Variants in SSH2 observed in about 807,000 individuals in gnomAD.
The protein encoded by SSH2 is protein phosphatase Slingshot homolog 2.
A neutral mutation model predicts 135.2 loss-of-function variants in SSH2; 37 were observed. That is an observed-to-expected ratio of 0.27 (90% CI 0.21 to 0.36). The LOEUF is 0.36. Among genes scored for constraint, SSH2 ranks in the 10% least tolerant of loss-of-function variants. The pLI is 1.00. For missense variants in SSH2, 1,408 were observed against 1,765.3 expected (o/e 0.80, Z 3.63); for synonymous variants, 628 against 646.2 (o/e 0.97, Z 0.43).
chr17:29,822,682 T>C (rs1258249791), intron 2 of SSH2, among the ~76,000 whole-genome samples: 1 of 152,114 alleles, frequency 6.6e-6, no homozygotes, highest in African/African-American at 2.4e-5. Context: ...CTCTTAAACT[T>C]TCCTTTCTTC....
intron 5 of SSH2, among the ~76,000 whole-genome samples, chr17:29,691,291 T>C: frequency 6.6e-6 from 1 of 152,182 alleles, no homozygotes; most frequent in East Asian, 1.9e-4. Context: ...TGAAATTACT[T>C]CAAATGTCCT....
rs1411503732 is a variant in SSH2, at chr17:29,629,325, T to C, written c.*1516A>G. 6.5e-6 allele frequency: 1 copy of C among 152,680 alleles called. No homozygotes were observed. The highest frequency in any genetic ancestry group is 1.9e-4 in the East Asian group (1 of 5,196). The allele number at this position is 152,680 out of a possible 1,614,324, so 9.5% of individuals were successfully genotyped here. ...CTCTGGGCAACTCACATATACTTCCTGGCTGTGGTTGAGATACTGGCAAAC... is the reference window on the plus strand; with the variant it reads ...CTCTGGGCAACTCACATATACTTCCCGGCTGTGGTTGAGATACTGGCAAAC... On this transcript the variant is annotated 3_prime_UTR_variant, in exon 16 of 16. Transcript: ENST00000540801.
intron 3 of SSH2, among the ~76,000 whole-genome samples, chr17:29,734,702 A>C (rs1340809486): frequency 6.6e-6 from 1 of 152,210 alleles, no homozygotes; most frequent in Non-Finnish European, 1.5e-5. Flanking sequence ...ACATTGCTTC[A>C]TTTTATTACC....
intron 2 of SSH2, among the ~76,000 whole-genome samples, chr17:29,821,884 T>A (rs1369658957): frequency 6.6e-6 from 1 of 152,156 alleles, no homozygotes; most frequent in Non-Finnish European, 1.5e-5. Context: ...GCTCTCGTAG[T>A]CTGCCCGCCT....
rs372138518 is a variant in SSH2 at position 29,879,312 on chromosome 17, T to C, written c.64-30383A>G. On this transcript the variant is annotated intron_variant, in intron 1 of 15. Coordinates refer to ENST00000540801, the MANE Select transcript of SSH2 (RefSeq NM_001282129.2). ...GTGAGAGGTAGAATCAGTATTCAAA[T>C]AGGTTTTTCTTATTCAGAGGCTCAT... is the stretch of plus-strand genomic sequence containing the variant. Among the ~76,000 whole-genome samples, 18 of 151,986 alleles carry C rather than the reference T, an allele frequency of 1.2e-4. No homozygotes were observed. In the South Asian group the frequency reaches 1.7e-3, roughly 14 times the overall value.
chr17:29,813,975 C>CA (rs1250344248), intron 2 of SSH2, among the ~76,000 whole-genome samples: 6 of 133,546 alleles, frequency 4.5e-5, no homozygotes, highest in African/African-American at 1.1e-4. Context: ...ACTAAAAATA[C>CA]AAAAAAATTA....
In SSH2 at chr17:29,907,415, T is replaced by C. The variant is rs571247305; in HGVS notation, c.63+22523A>G. ...GCTAACGTATGCTGGGCTTAATACC[T>C]AGGTAATGGGATGATCTGTGTGGCA... On this transcript the variant is annotated intron_variant, in intron 1 of 15. Coordinates refer to ENST00000540801, the MANE Select transcript of SSH2 (RefSeq NM_001282129.2). Among the ~76,000 whole-genome samples, 9 of 152,272 alleles carry C rather than the reference T, an allele frequency of 5.9e-5. No homozygotes were observed. The South Asian group carries it at 1.9e-3, about 32-fold the overall frequency.
intron 2 of SSH2, among the ~76,000 whole-genome samples, chr17:29,844,180 A>G (rs2043092088): frequency 6.6e-6 from 1 of 152,222 alleles, no homozygotes; most frequent in Non-Finnish European, 1.5e-5. Flanking sequence ...CTTCAAGAAT[A>G]TAACAAACCA....
intron 1 of SSH2, among the ~76,000 whole-genome samples, chr17:29,914,362 CCAACCTGGG>C (rs1475154834): frequency 6.6e-6 from 1 of 151,790 alleles, no homozygotes; most frequent in Non-Finnish European, 1.5e-5. Flanking sequence ...GAGTTTGAGA[CCAACCTGGG>C]CAACACAGCG....
chr17:29,751,678 T>C (rs2071964216), intron 3 of SSH2, among the ~76,000 whole-genome samples: 1 of 152,178 alleles, frequency 6.6e-6, no homozygotes, highest in Non-Finnish European at 1.5e-5. Context: ...ATTATAATCT[T>C]ATGGGACCAC....
intron 2 of SSH2, among the ~76,000 whole-genome samples, chr17:29,804,463 G>A (rs2042304433): frequency 6.6e-6 from 1 of 152,224 alleles, no homozygotes; most frequent in Non-Finnish European, 1.5e-5. Context: ...AGACATCACA[G>A]TCCAGTCAAT....
At chr17:29,696,620 TATACACACAC>T (rs779446778) in intron 4 of SSH2, among the ~76,000 whole-genome samples, 88 of 136,114 alleles carry the variant, frequency 6.5e-4, no homozygotes, top group African/African-American at 2.2e-3. Flanking sequence ...TACATATATA[TATACACACAC>T]ACACACACAC....
intron 14 of SSH2, 185 bp downstream of exon 14, chr17:29,647,959 G>C (rs975248342): frequency 1.6e-6 from 1 of 615,462 alleles, no homozygotes; most frequent in Non-Finnish European, 2.8e-6. Context: ...CACTGTGCCC[G>C]GCCAGCCCAT....
chr17:29,744,462 G>T (rs1277879400), intron 3 of SSH2, among the ~76,000 whole-genome samples: 3 of 152,120 alleles, frequency 2.0e-5, no homozygotes, highest in African/African-American at 7.2e-5. Flanking sequence ...TATCATTTGG[G>T]CTTAATGTAA....
At chr17:29,648,111 A>G (rs1157815805) in intron 14 of SSH2, 33 bp downstream of exon 14, 1 of 1,600,118 alleles carries the variant, frequency 6.2e-7, no homozygotes, top group Admixed American at 1.7e-5. Context: ...GGAACTTAAA[A>G]GGAGGGAGAA....
At chr17:29,794,130 C>T (rs1021070386) in intron 2 of SSH2, among the ~76,000 whole-genome samples, 193 bp from the exon 3 acceptor site, 5 of 152,142 alleles carry the variant, frequency 3.3e-5, no homozygotes, top group African/African-American at 4.8e-5. Context: ...GAACTTACTC[C>T]TGGAGGTAAC....
rs1460456986 is a variant in SSH2 at position 29,814,308 on chromosome 17, T to C, written c.145-20371A>G. Among the ~76,000 whole-genome samples the C allele has an allele frequency of 3.6e-3, 537 of 147,688 alleles. 3 individuals are homozygous for C. The highest frequency in any genetic ancestry group is 0.013 in the African/African-American group (513 of 40,150). On this transcript the variant is annotated intron_variant, in intron 2 of 15. Transcript: ENST00000540801. ...AAATTAGCCGGGCGTGGTGGCGCGC[T>C]TGTAGTCCCAGCTACTCGGGAGGCT...
chr17:29,655,081 G>A (rs1261966183), intron 12 of SSH2, among the ~76,000 whole-genome samples: 2 of 152,046 alleles, frequency 1.3e-5, no homozygotes, highest in Non-Finnish European at 2.9e-5. Flanking sequence ...GTGGGGGGAC[G>A]AAACAGGGAG....
At chr17:29,912,277 T>A (rs2066779135) in intron 1 of SSH2, among the ~76,000 whole-genome samples, 1 of 152,230 alleles carries the variant, frequency 6.6e-6, no homozygotes, top group South Asian at 2.1e-4. Context: ...ATAAACAACT[T>A]AGATCTTTAT....
Sources: allele counts gnomAD v4.1 joint callset (sites outside exome capture counted in the v4.1 genomes callset), GRCh38; gene constraint gnomAD v4.1.1; transcripts MANE v1.5; gene names NCBI Gene and HGNC (gene_info 2026-07-23, HGNC 2026-07-21).